EPM2AIP1: variants seen among roughly 807,000 people sequenced by gnomAD.
The protein encoded by EPM2AIP1 is EPM2A interacting protein 1.
EPM2AIP1 carries 23 observed loss-of-function variants against 44.8 expected under a neutral mutation model. The observed-to-expected ratio is 0.51, with a 90% CI of 0.37 to 0.73. The LOEUF (loss-of-function observed/expected upper bound fraction) is 0.73, where lower values mean the gene tolerates loss of function less well. EPM2AIP1 is among the 30% of genes least tolerant of loss of function. The pLI, the probability that EPM2AIP1 is intolerant of heterozygous loss-of-function variation, is 0.00. For missense variants in EPM2AIP1, 652 were observed against 743.9 expected, an observed-to-expected ratio of 0.88 and a Z score of 1.44; for synonymous variants, 311 against 284.3, an observed-to-expected ratio of 1.09 and a Z score of -0.94.
In EPM2AIP1 at chr3:36,991,660, C is replaced by T. The variant is rs2080809249; in HGVS notation, c.1418G>A (p.Arg473Lys). 4 of 1,612,378 alleles carry T rather than the reference C, an allele frequency of 2.5e-6. No individual in the cohort carries two copies. The highest frequency in any genetic ancestry group is 4.5e-5 in the East Asian group (2 of 44,872). ...VICRLQKEFERHFKDLRFIKK... is the reference protein window; with the variant it reads ...VICRLQKEFEKHFKDLRFIKK... ...AATGAACCTGAGGTCCTTAAAATGT[C>T]TCTCAAATTCTTTTTGGAGACGACA... is the stretch of plus-strand genomic sequence containing the variant. Residue 473 changes from arginine (R) to lysine (K), a missense_variant, in exon 1 of 1, where the codon AGA becomes AAA. Transcript: ENST00000322716.
Position 36,992,908 on chromosome 3 carries a change from T to C in EPM2AIP1, c.170A>G (p.His57Arg). Reference protein sequence around the residue: ...VATRERDVRRHYEAEHEYYER... With the variant: ...VATRERDVRRRYEAEHEYYER... ...GTAGTATTCGTGCTCAGCCTCGTAG[T>C]GGCGCCTGACGTCGCGTTCGCGGGT... is the stretch of plus-strand genomic sequence containing the variant. The change falls in exon 1 of 1, where the codon CAC becomes CGC. Residue 57 changes from histidine (H) to arginine (R), a missense_variant. Physicochemically the swap from His to Arg is conservative, Grantham distance 29. Transcript: ENST00000322716. This position sits in a 1 kb window ranked among gnomAD's most constrained non-coding sequence, Gnocchi z 5.3. 1 of 1,612,352 alleles carries C rather than the reference T, an allele frequency of 6.2e-7. No individual in the cohort carries two copies. Among genetic ancestry groups the C allele is most frequent in the Non-Finnish European group, 8.5e-7 (1 of 1,179,866 alleles).
At position 36,985,223 on chromosome 3, in the gene EPM2AIP1, A is replaced by T. The variant is rs2080764024; in HGVS notation, c.*6031T>A. ...TCACAGATACAATGTTGAACAAGAC[A>T]CGGAAGAGTGCATATAATTATTTCA... On this transcript the variant is annotated 3_prime_UTR_variant, in exon 1 of 1. Coordinates refer to ENST00000322716, the MANE Select transcript of EPM2AIP1 (RefSeq NM_014805.4). The T allele has an allele frequency of 6.6e-6, 1 of 152,250 alleles. No individual in the cohort carries two copies. Among genetic ancestry groups the T allele is most frequent in the Non-Finnish European group, 1.5e-5 (1 of 68,048 alleles). The allele number at this position is 152,250 out of a possible 1,614,324, so 9.4% of individuals were successfully genotyped here. A position where few individuals can be genotyped will look rare whatever the true frequency, so the allele number is the denominator to read the frequency against.
chr3:36,993,082 C>A lies in EPM2AIP1; in HGVS notation c.-5G>T, dbSNP rs1269224234. ...TCTTTTGGGCGTCATCCACATTCTG[C>A]GGGAGGCCACAAGAGCAGGGCCAAC... On this transcript the variant is annotated 5_prime_UTR_variant, in exon 1 of 1. Coordinates refer to ENST00000322716, the MANE Select transcript of EPM2AIP1 (RefSeq NM_014805.4). The A allele has an allele frequency of 2.5e-6, 4 of 1,596,130 alleles. No homozygotes were observed. The highest frequency in any genetic ancestry group is 3.4e-6 in the Non-Finnish European group (4 of 1,169,244).
At position 36,992,622 on chromosome 3, in the gene EPM2AIP1, C is replaced by G. The variant is rs887783545; in HGVS notation, c.456G>C (p.Gln152His). 1.9e-6 allele frequency: 3 copies of G among 1,614,058 alleles called. No individual in the cohort carries two copies. The highest frequency in any genetic ancestry group is 1.7e-6 in the Non-Finnish European group (2 of 1,179,900). Residue 152 changes from glutamine to histidine, a missense_variant, in exon 1 of 1, where the codon CAG becomes CAC. By Grantham distance (24) the Gln-to-His change is conservative. Transcript: ENST00000322716. The surrounding 1 kb of genome is among the most constrained non-coding windows in gnomAD (Gnocchi z 5.3). ...GATTCCTGTCAATGCTCAGGATCCT[C>G]TGCCTTGTGATATCTGGAGATAAGT... ...GVDLSPDITR[Q>H]RILSIDRNLR...
At position 36,987,530 on chromosome 3, in the gene EPM2AIP1, T is replaced by C. The variant is rs1416665797; in HGVS notation, c.*3724A>G. The C allele has an allele frequency of 1.3e-5, 2 of 151,770 alleles. No individual in the cohort carries two copies. Among genetic ancestry groups the C allele is most frequent in the Non-Finnish European group, 2.9e-5 (2 of 67,916 alleles). The allele number at this position is 151,770 out of a possible 1,614,324, so 9.4% of individuals were successfully genotyped here. ...GATATGCAAACTTAATATTACATAG[T>C]GGATTTGGTGTGTATATTTGGTTTT... On this transcript the variant is annotated 3_prime_UTR_variant, in exon 1 of 1. Transcript: ENST00000322716.
chr3:36,992,662 A>G lies in EPM2AIP1; in HGVS notation c.416T>C (p.Val139Ala). The G allele has an allele frequency of 6.2e-7, 1 of 1,613,996 alleles. No homozygotes were observed. The highest frequency in any genetic ancestry group is 1.1e-5 in the South Asian group (1 of 91,090). The change falls in exon 1 of 1, where the codon GTC (valine) becomes GCC (alanine). Residue 139 changes from valine to alanine, a missense_variant. Physicochemically the swap from Val to Ala is moderately conservative, Grantham distance 64 (BLOSUM62 0). Coordinates refer to ENST00000322716, the MANE Select transcript of EPM2AIP1 (RefSeq NM_014805.4). The surrounding 1 kb of genome is among the most constrained non-coding windows in gnomAD (Gnocchi z 5.3). ...TGGAGATAAGTCAACGCCTTGCAGG[A>G]CGCTTACATGCTCGGGCAGTACCTC... ...LREVLPEHVS[V>A]LQGVDLSPDI...
rs1391053505 is a variant in EPM2AIP1, at chr3:36,990,089, C to G, written c.*1165G>C. 1 of 152,144 alleles carries G rather than the reference C, an allele frequency of 6.6e-6. No homozygotes were observed. Among genetic ancestry groups the G allele is most frequent in the East Asian group, 1.9e-4 (1 of 5,202 alleles). 9.4% of individuals were successfully genotyped at this position (152,144 alleles called of 1,614,324 possible). A position where few individuals can be genotyped will look rare whatever the true frequency, so the allele number is the denominator to read the frequency against. ...TTTAAGATTGCCTTTTCATGGTGAA[C>G]AGAAGTTTGGAAATTACTGTTTTGG... On this transcript the variant is annotated 3_prime_UTR_variant, in exon 1 of 1. Transcript: ENST00000322716.
Position 36,992,875 on chromosome 3 carries a change from T to A in EPM2AIP1, c.203A>T (p.Tyr68Phe). ...YEAEHEYYERYVADGERAALV... is the reference protein window; with the variant it reads ...YEAEHEYYERFVADGERAALV... The stretch of plus-strand genomic sequence containing the variant: ...GGCCGCGCGCTCGCCGTCCGCCACA[T>A]ACCGCTCGTAGTATTCGTGCTCAGC... Residue 68 changes from tyrosine to phenylalanine, a missense_variant, in exon 1 of 1, where the codon TAT (tyrosine) becomes TTT (phenylalanine). Physicochemically the swap from Tyr to Phe is conservative, Grantham distance 22 (BLOSUM62 3). Coordinates refer to ENST00000322716, the MANE Select transcript of EPM2AIP1 (RefSeq NM_014805.4). The surrounding 1 kb of genome is among the most constrained non-coding windows in gnomAD (Gnocchi z 5.3). 1 of 1,611,520 alleles carries A rather than the reference T, an allele frequency of 6.2e-7. No homozygotes were observed. Among genetic ancestry groups the A allele is most frequent in the Non-Finnish European group, 8.5e-7 (1 of 1,179,676 alleles).
Position 36,992,209 on chromosome 3 carries a change from T to C in EPM2AIP1, c.869A>G (p.Tyr290Cys), listed in dbSNP as rs1297460277. The change falls in exon 1 of 1, where the codon TAT (tyrosine) becomes TGT (cysteine). Residue 290 changes from tyrosine (Y) to cysteine (C), a missense_variant. Physicochemically the swap from Tyr to Cys is radical, Grantham distance 194. Transcript: ENST00000322716. This position sits in a 1 kb window ranked among gnomAD's most constrained non-coding sequence, Gnocchi z 5.3. ...TATGATCTGATTAACATCTACATCA[T>C]AGGAGCTCAACAGTTCCAAGTGAAG... ...GFLHLELLSS[Y>C]DVDVNQIINT... The C allele has an allele frequency of 1.2e-6, 2 of 1,614,030 alleles. No individual in the cohort carries two copies. Among genetic ancestry groups the C allele is most frequent in the Non-Finnish European group, 1.7e-6 (2 of 1,179,884 alleles).
rs2080781608 is a variant in EPM2AIP1 at position 36,988,376 on chromosome 3, T to A, written c.*2878A>T. On this transcript the variant is annotated 3_prime_UTR_variant, in exon 1 of 1. Transcript: ENST00000322716. ...ATGCCATTTAGTCAAAGAGGAAACA[T>A]GAGAGGAGGAGCAGGATTGGGGGCA... is the stretch of plus-strand genomic sequence containing the variant. 1.3e-5 allele frequency: 2 copies of A among 151,994 alleles called. No homozygotes were observed. Among genetic ancestry groups the A allele is most frequent in the Admixed American group, 1.3e-4 (2 of 15,256 alleles). 9.4% of individuals were successfully genotyped at this position (151,994 alleles called of 1,614,324 possible). A position where few individuals can be genotyped will look rare whatever the true frequency, so the allele number is the denominator to read the frequency against.
At position 36,992,835 on chromosome 3, in the gene EPM2AIP1, C is replaced by G; in HGVS notation, c.243G>C (p.Leu81=). ...AGGCCACGGGCAAGTCGCCCTGACG[C>G]AGACGCTCCACCAGGGCCGCGCGCT... ...DGERAALVER[L]RQGDLPVASF... Residue 81 remains leucine, a synonymous_variant, in exon 1 of 1, where the codon CTG becomes CTC. Transcript: ENST00000322716. This position sits in a 1 kb window ranked among gnomAD's most constrained non-coding sequence, Gnocchi z 5.3. 1 of 1,611,600 alleles carries G rather than the reference C, an allele frequency of 6.2e-7. No individual in the cohort carries two copies. The highest frequency in any genetic ancestry group is 1.1e-5 in the South Asian group (1 of 91,078).
chr3:36,986,777 G>A lies in EPM2AIP1; in HGVS notation c.*4477C>T, dbSNP rs1343912534. The A allele has an allele frequency of 6.2e-5, 5 of 80,066 alleles. No homozygotes were observed. The Admixed American group carries it at 6.8e-4, about 11-fold the overall frequency. 5.0% of individuals were successfully genotyped at this position (80,066 alleles called of 1,614,324 possible). On this transcript the variant is annotated 3_prime_UTR_variant, in exon 1 of 1. Coordinates refer to ENST00000322716, the MANE Select transcript of EPM2AIP1 (RefSeq NM_014805.4). ...AGCCTGGGTGACAAAGTGAGACCCC[G>A]CCTCAAAAAAAAAAAAAAAAAAAAA... is the stretch of plus-strand genomic sequence containing the variant.
Position 36,990,676 on chromosome 3 carries a change from TGGGGA to T in EPM2AIP1, c.*573_*577del. On this transcript the variant is annotated 3_prime_UTR_variant, in exon 1 of 1. Transcript: ENST00000322716. Reference sequence around the variant, plus strand: ...AATGTGTTATCACTGAGGTGGGTGATGGGGAGGGAAGAGGGAAGAAATCTGTCAGT... The same window carrying T: ...AATGTGTTATCACTGAGGTGGGTGATGGGAAGAGGGAAGAAATCTGTCAGT... The T allele has an allele frequency of 2.2e-5, 22 of 985,736 alleles. No individual in the cohort carries two copies. Among genetic ancestry groups the T allele is most frequent in the Non-Finnish European group, 2.7e-5 (22 of 829,864 alleles). The allele number at this position is 985,736 out of a possible 1,614,324, so 61.1% of individuals were successfully genotyped here.
chr3:36,991,161 C>A lies in EPM2AIP1; in HGVS notation c.*93G>T, dbSNP rs1422017793. 6.8e-7 allele frequency: 1 copy of A among 1,479,020 alleles called. No homozygotes were observed. The highest frequency in any genetic ancestry group is 9.0e-7 in the Non-Finnish European group (1 of 1,113,268). 91.6% of individuals were successfully genotyped at this position (1,479,020 alleles called of 1,614,324 possible). A position where few individuals can be genotyped will look rare whatever the true frequency, so the allele number is the denominator to read the frequency against. On this transcript the variant is annotated 3_prime_UTR_variant, in exon 1 of 1. Coordinates refer to ENST00000322716, the MANE Select transcript of EPM2AIP1 (RefSeq NM_014805.4). The stretch of plus-strand genomic sequence containing the variant: ...GGACGGCTGGTACTTGGTACTTTCT[C>A]ACAATCCAAATTAGTAAACTTGAAA...
In EPM2AIP1 at chr3:36,990,238, G is replaced by T; in HGVS notation, c.*1016C>A. The T allele has an allele frequency of 5.4e-6, 1 of 186,204 alleles. No individual in the cohort carries two copies. The highest frequency in any genetic ancestry group is 1.0e-5 in the Non-Finnish European group (1 of 99,124). 11.5% of individuals were successfully genotyped at this position (186,204 alleles called of 1,614,324 possible). On this transcript the variant is annotated 3_prime_UTR_variant, in exon 1 of 1. Coordinates refer to ENST00000322716, the MANE Select transcript of EPM2AIP1 (RefSeq NM_014805.4). ...ATGTGTACGACAGTTCCAAATTTTA[G>T]AATAAATCCATTTCTAGCATCTAAC...
rs539306078 is a variant in EPM2AIP1 at position 36,988,913 on chromosome 3, A to T, written c.*2341T>A. 47 of 146,176 alleles carry T rather than the reference A, an allele frequency of 3.2e-4. No homozygotes were observed. Among genetic ancestry groups the T allele is most frequent in the African/African-American group, 5.0e-4 (20 of 40,022 alleles). The allele number at this position is 146,176 out of a possible 1,614,324, so 9.1% of individuals were successfully genotyped here. A position where few individuals can be genotyped will look rare whatever the true frequency, so the allele number is the denominator to read the frequency against. On this transcript the variant is annotated 3_prime_UTR_variant, in exon 1 of 1. Coordinates refer to ENST00000322716, the MANE Select transcript of EPM2AIP1 (RefSeq NM_014805.4). ...GGACCAGTAACAACTATATTTATTT[A>T]AAAAAAAAAAGACTGCCATGCAGTT...
rs1419706611 is a variant in EPM2AIP1, at chr3:36,992,026, ATTAGTT to A, written c.1046_1051del (p.Lys349_Leu350del). 15 of 1,613,924 alleles carry A rather than the reference ATTAGTT, an allele frequency of 9.3e-6. No homozygotes were observed. The highest frequency in any genetic ancestry group is 1.7e-5 in the Admixed American group (1 of 60,012). On this transcript the variant is annotated inframe_deletion, in exon 1 of 1. Coordinates refer to ENST00000322716, the MANE Select transcript of EPM2AIP1 (RefSeq NM_014805.4). The surrounding 1 kb of genome is among the most constrained non-coding windows in gnomAD (Gnocchi z 5.3). ...TTCCATTTCTTTTCTTAGAGAGAAT[ATTAGTT>A]TTAAAGTTTTCCCTCTCCTAAGCCA...
chr3:36,987,348 C>T lies in EPM2AIP1; in HGVS notation c.*3906G>A, dbSNP rs1425863551. On this transcript the variant is annotated 3_prime_UTR_variant, in exon 1 of 1. Transcript: ENST00000322716. ...TATCTTTTTCCAATACTAAATGTAA[C>T]ATTTAGTAAAAACATATTGTTTTAG... 6.6e-6 allele frequency: 1 copy of T among 151,452 alleles called. No homozygotes were observed. Among genetic ancestry groups the T allele is most frequent in the East Asian group, 1.9e-4 (1 of 5,160 alleles). The allele number at this position is 151,452 out of a possible 1,614,324, so 9.4% of individuals were successfully genotyped here. A position where few individuals can be genotyped will look rare whatever the true frequency, so the allele number is the denominator to read the frequency against.
Position 36,991,978 on chromosome 3 carries a change from G to A in EPM2AIP1, c.1100C>T (p.Ala367Val). The change falls in exon 1 of 1, where the codon GCA (alanine) becomes GTA (valine). Residue 367 changes from alanine to valine, a missense_variant. Physicochemically the swap from Ala to Val is moderately conservative, Grantham distance 64 (BLOSUM62 0). Coordinates refer to ENST00000322716, the MANE Select transcript of EPM2AIP1 (RefSeq NM_014805.4). Reference protein sequence around the residue: ...EMEAFLVSVGATTVHFSDKQW... With the variant: ...EMEAFLVSVGVTTVHFSDKQW... ...TTTGTCTGAGAAGTGGACTGTTGTT[G>A]CCCCTACTGAAACCAAGAACGCTTC... The A allele has an allele frequency of 6.2e-7, 1 of 1,613,646 alleles. No homozygotes were observed. The highest frequency in any genetic ancestry group is 8.5e-7 in the Non-Finnish European group (1 of 1,179,830).
Sources: allele counts gnomAD v4.1 joint callset, GRCh38; gene constraint gnomAD v4.1.1; non-coding constraint Gnocchi (gnomAD v3.1); transcripts MANE v1.5; gene names NCBI Gene and HGNC (gene_info 2026-07-23, HGNC 2026-07-21).